The following ADA2 variants were observed in gnomAD, a reference collection of about 807,000 sequenced individuals.
The protein encoded by ADA2 is adenosine deaminase 2.
In ADA2, 29 loss-of-function variants were observed where a neutral mutation model predicts 44.2. The ratio of observed to expected loss-of-function variants is 0.66; its 90% CI spans 0.49 to 0.89. The LOEUF is 0.89. Among genes scored for constraint, ADA2 ranks in the 40% least tolerant of loss-of-function variants. ADA2 has a pLI of 0.00. For synonymous variants in ADA2, 215 were observed against 234.9 expected, an observed-to-expected ratio of 0.92 and a Z score of 0.77; for missense variants, 637 against 644.8, an observed-to-expected ratio of 0.99 and a Z score of 0.13.
At chr22:17,205,929 G>C (rs1216864762) in intron 3 of ADA2, among the ~76,000 whole-genome samples, 1 of 152,192 alleles carries the variant, frequency 6.6e-6, no homozygotes, top group African/African-American at 2.4e-5. Flanking sequence ...CAGCCTGGGA[G>C]GTTGAGTCTG....
intron 1 of ADA2, among the ~76,000 whole-genome samples, chr22:17,218,271 T>C (rs1349711262): frequency 6.6e-6 from 1 of 152,210 alleles, no homozygotes; most frequent in East Asian, 1.9e-4. Context: ...ACTCATTAAA[T>C]CATTTTAATA....
At chr22:17,216,797 T>TAG (rs55765618) in intron 1 of ADA2, among the ~76,000 whole-genome samples, 53,359 of 146,940 alleles carry the variant, frequency 0.36, 10,520 homozygotes, top group East Asian at 0.75. Context: ...CACATATATA[T>TAG]AGAGAGAGAG....
rs905712370 is a variant in ADA2, at chr22:17,183,348, G to A, written c.1082-587C>T. On this transcript the variant is annotated intron_variant, in intron 7 of 9. Coordinates refer to ENST00000399837, the MANE Select transcript of ADA2 (RefSeq NM_001282225.2). ...TCCACCTGCCTCAGCCTCCCAAAGT[G>A]CTGGGATTACAGGCGTGAGCCGCCG... Among the ~76,000 whole-genome samples the A allele has an allele frequency of 4.6e-5, 7 of 152,038 alleles. No homozygotes were observed. In the East Asian group the frequency reaches 9.6e-4, roughly 21 times the overall value.
At chr22:17,189,502 T>C (rs975055566) in intron 6 of ADA2, among the ~76,000 whole-genome samples, 2 of 152,124 alleles carry the variant, frequency 1.3e-5, no homozygotes, top group East Asian at 1.9e-4. Flanking sequence ...CCTGGCTCCA[T>C]CCTGGACTCT....
chr22:17,193,271 C>T (rs2062144026), intron 4 of ADA2: 4 of 743,820 alleles, frequency 5.4e-6, no homozygotes, highest in Non-Finnish European at 9.5e-6. Flanking sequence ...ATCAGAGTCA[C>T]CAACCCCAAT....
chr22:17,199,659 CAG>C (rs2062248804), intron 4 of ADA2: 2 of 1,611,104 alleles, frequency 1.2e-6, no homozygotes, highest in Admixed American at 1.7e-5. Flanking sequence ...TTAGGACGCT[CAG>C]AGAGCCCAGC....
chr22:17,218,985 C>T (rs1310895348), intron 1 of ADA2, among the ~76,000 whole-genome samples: 7 of 152,224 alleles, frequency 4.6e-5, no homozygotes, highest in South Asian at 2.1e-4. Context: ...GGTGAAACCC[C>T]GTCTCTACTA....
chr22:17,206,319 T>C (rs1181034917), intron 3 of ADA2, among the ~76,000 whole-genome samples: 1 of 152,058 alleles, frequency 6.6e-6, no homozygotes, highest in Admixed American at 6.6e-5. Context: ...TAGCCAGGCA[T>C]GGTGGCACAT....
At chr22:17,193,136 C>T in intron 4 of ADA2, 2 of 1,408,110 alleles carry the variant, frequency 1.4e-6, no homozygotes, top group Non-Finnish European at 2.0e-6. Context: ...CCAGAAGTTC[C>T]TGGTCCACAA....
Position 17,178,862 on chromosome 22 carries a change from G to C in ADA2, c.*2621C>G, listed in dbSNP as rs9617962. 0.24 allele frequency: 36,423 copies of C among 151,868 alleles called. 4,548 individuals carry two copies. Among genetic ancestry groups the C allele is most frequent in the Middle Eastern group, 0.35 (102 of 292 alleles). 9.4% of individuals were successfully genotyped at this position (151,868 alleles called of 1,614,324 possible). Reference sequence around the variant, plus strand: ...TCCAGGCCAGAGGCTGTTTGCGTCTGCCTGTGTTGGAGGTCCCCTGCGCAG... The same window carrying C: ...TCCAGGCCAGAGGCTGTTTGCGTCTCCCTGTGTTGGAGGTCCCCTGCGCAG... On this transcript the variant is annotated 3_prime_UTR_variant, in exon 10 of 10. Transcript: ENST00000399837.
In ADA2 at chr22:17,182,033, G is replaced by C. The variant is rs2123601920; in HGVS notation, c.1240-11C>G. The stretch of plus-strand genomic sequence containing the variant: ...CACCAGTTTCAGCACCTGCGCAATA[G>C]GAGGGAAGGGAGAAAGATGAACTCT... On this transcript the variant is annotated splice_polypyrimidine_tract_variant and intron_variant, in intron 8 of 9. Coordinates refer to ENST00000399837, the MANE Select transcript of ADA2 (RefSeq NM_001282225.2). The C allele has an allele frequency of 6.2e-7, 1 of 1,604,728 alleles. No individual in the cohort carries two copies. Among genetic ancestry groups the C allele is most frequent in the South Asian group, 1.1e-5 (1 of 90,514 alleles).
At chr22:17,217,760 A>G (rs921433755) in intron 1 of ADA2, among the ~76,000 whole-genome samples, 1 of 152,176 alleles carries the variant, frequency 6.6e-6, no homozygotes, top group Non-Finnish European at 1.5e-5. Context: ...GTGAGCCTAG[A>G]TTGCACCACT....
intron 6 of ADA2, 48 bp from the exon 7 acceptor site, chr22:17,188,495 A>G: frequency 7.5e-7 from 1 of 1,341,064 alleles, no homozygotes; most frequent in Non-Finnish European, 1.1e-6. Context: ...CGCATGCCTC[A>G]CTTGCTGATG....
Position 17,203,656 on chromosome 22 carries a change from G to C in ADA2, c.660C>G (p.Tyr220Ter), listed in dbSNP as rs2231487. The C allele has an allele frequency of 6.2e-7, 1 of 1,613,896 alleles. No individual in the cohort carries two copies. The highest frequency in any genetic ancestry group is 1.7e-5 in the Admixed American group (1 of 60,014). The stretch of plus-strand genomic sequence containing the variant: ...AGACATAGTCTCTGAACACTGGTGC[G>C]TAATGGATGAGACCAGAGATGGTGA... ...IFFTISGLIH[Y>*]APVFRDYVFR... Residue 220 changes from tyrosine (Y) to a stop codon, truncating the protein, a stop_gained, in exon 4 of 10, where the codon TAC becomes TAG. Coordinates refer to ENST00000399837, the MANE Select transcript of ADA2 (RefSeq NM_001282225.2). LOFTEE classifies it high-confidence loss of function.
intron 4 of ADA2, 107 bp downstream of exon 4, chr22:17,203,456 A>G: frequency 1.2e-6 from 1 of 860,588 alleles, no homozygotes; most frequent in Non-Finnish European, 1.9e-6. Context: ...CCCTTGCACC[A>G]GAGACCTGAG....
intron 1 of ADA2, among the ~76,000 whole-genome samples, chr22:17,215,110 C>T (rs1462760330): frequency 6.6e-6 from 1 of 152,150 alleles, no homozygotes. Context: ...GGTTGAGGAT[C>T]AAACCGCATA....
Position 17,190,017 on chromosome 22 carries a change from A to G in ADA2, c.897T>C (p.Ala299=). 3 of 1,613,582 alleles carry G rather than the reference A, an allele frequency of 1.9e-6. No homozygotes were observed. Among genetic ancestry groups the G allele is most frequent in the Non-Finnish European group, 2.5e-6 (3 of 1,179,488 alleles). Residue 299 remains alanine (A), a synonymous_variant, in exon 6 of 10, where the codon GCT becomes GCC. Coordinates refer to ENST00000399837, the MANE Select transcript of ADA2 (RefSeq NM_001282225.2). ...IYSDHRSKDV[A]VIAESIRMAM... Reference sequence around the variant, plus strand: ...CCATTCGGATGGATTCTGCGATGACAGCCACATCTTTGGATCTGTGAGACA... The same window carrying G: ...CCATTCGGATGGATTCTGCGATGACGGCCACATCTTTGGATCTGTGAGACA...
At chr22:17,183,842 G>A (rs992634169) in intron 7 of ADA2, among the ~76,000 whole-genome samples, 3 of 151,756 alleles carry the variant, frequency 2.0e-5, no homozygotes, top group Admixed American at 2.0e-4. Flanking sequence ...CTACCTGTAT[G>A]TGCTCACTTT....
At chr22:17,192,631 C>T (rs1265609092) in intron 4 of ADA2, among the ~76,000 whole-genome samples, 1 of 152,074 alleles carries the variant, frequency 6.6e-6, no homozygotes, top group Non-Finnish European at 1.5e-5. Flanking sequence ...AGTTCAAGAC[C>T]AGCCTGGCCA....
Sources: allele counts gnomAD v4.1 joint callset (sites outside exome capture counted in the v4.1 genomes callset), GRCh38; gene constraint gnomAD v4.1.1; transcripts MANE v1.5; gene names NCBI Gene and HGNC (gene_info 2026-07-23, HGNC 2026-07-21).